GPATCH2L: variants seen among roughly 807,000 people sequenced by gnomAD.
The protein encoded by GPATCH2L is G-patch domain containing 2 like.
A neutral mutation model predicts 57.4 loss-of-function variants in GPATCH2L; 31 were observed. The ratio of observed to expected loss-of-function variants is 0.54; its 90% confidence interval spans 0.41 to 0.73. The LOEUF (loss-of-function observed/expected upper bound fraction) is 0.73, where lower values mean the gene tolerates loss of function less well. Ranked by LOEUF, GPATCH2L falls within the 30% of genes least tolerant of loss-of-function variation. The probability of loss-of-function intolerance (pLI) is 0.00; values close to 1 mark genes in which losing one functional copy is unlikely to be tolerated. For missense variants in GPATCH2L, 481 were observed against 599.9 expected (o/e 0.80, Z 2.07); for synonymous variants, 199 against 210.7 (o/e 0.94, Z 0.48).
At chr14:76,224,700 A>G (rs1566828621) in intron 1 of GPATCH2L, among the ~76,000 whole-genome samples, 1 of 152,290 alleles carries the variant, frequency 6.6e-6, no homozygotes, top group Admixed American at 6.5e-5. Flanking sequence ...GGCAAGGAAA[A>G]GAAGTTACAG....
chr14:76,170,752 A>T (rs2039047570), intron 3 of GPATCH2L: 1 of 152,224 alleles, frequency 6.6e-6, no homozygotes. Context: ...ATTGAGAAAC[A>T]TTTATGGGTT....
chr14:76,182,095 C>T (rs1037143593), intron 8 of GPATCH2L, among the ~76,000 whole-genome samples: 7 of 152,128 alleles, frequency 4.6e-5, no homozygotes, highest in Admixed American at 3.3e-4. Flanking sequence ...CGGTGGCTCA[C>T]GCCTGTAATC....
At position 76,171,977 on chromosome 14, in the gene GPATCH2L, T is replaced by A; in HGVS notation, c.862T>A (p.Ser288Thr). 1 of 1,612,984 alleles carries A rather than the reference T, an allele frequency of 6.2e-7. No individual in the cohort carries two copies. The highest frequency in any genetic ancestry group is 8.5e-7 in the Non-Finnish European group (1 of 1,179,348). Residue 288 changes from serine to threonine, a missense_variant, in exon 4 of 10, where the codon TCA (serine) becomes ACA (threonine). This residue lies in a region of GPATCH2L where 248 missense variants were observed against 270.5 expected (regional missense o/e 0.92). Coordinates refer to ENST00000261530, the MANE Select transcript of GPATCH2L (RefSeq NM_017926.4). ...AATGGATTCTGGATTGGATAAATTTTCAGATTCCACATTCCTTTTACCTTC... is the reference window on the plus strand; with the variant it reads ...AATGGATTCTGGATTGGATAAATTTACAGATTCCACATTCCTTTTACCTTC... The part of the protein sequence containing the change: ...ERMDSGLDKF[S>T]DSTFLLPSRP...
chr14:76,216,814 G>A (rs750682012), downstream of GPATCH2L, among the ~76,000 whole-genome samples: 24 of 152,094 alleles, frequency 1.6e-4, no homozygotes, highest in Non-Finnish European at 2.9e-4. Context: ...TGAAAGTGTG[G>A]TATAGGTGCA....
At position 76,167,344 on chromosome 14, in the gene GPATCH2L, T is replaced by TG. The variant is rs556168039; in HGVS notation, c.727+621dup. Among the ~76,000 whole-genome samples, 25 of 152,320 alleles carry TG rather than the reference T, an allele frequency of 1.6e-4. No homozygotes were observed. The East Asian group carries it at 4.8e-3, about 29-fold the overall frequency. On this transcript the variant is annotated intron_variant, in intron 3 of 9. Transcript: ENST00000261530. ...AAAATGTTTGTCCTCTAGACTTGTG[T>TG]GGGGCCACATGCCAATAAAAATTTT...
At chr14:76,194,521 G>A (rs183931851) in intron 8 of GPATCH2L, among the ~76,000 whole-genome samples, 100 of 148,568 alleles carry the variant, frequency 6.7e-4, no homozygotes, top group African/African-American at 2.4e-3. Flanking sequence ...TCATGCTTGC[G>A]TGCACGCATG....
rs891350373 is a variant in GPATCH2L, at chr14:76,211,686, A to G, written c.*9835A>G. ...AGTGACAATAAATTTGTGTTGATCT[A>G]TTTACACCTTTTGGACTGAACACCT... On this transcript the variant is annotated 3_prime_UTR_variant, in exon 10 of 10. Transcript: ENST00000261530. The G allele has an allele frequency of 1.3e-5, 2 of 152,072 alleles. No individual in the cohort carries two copies. Among genetic ancestry groups the G allele is most frequent in the Admixed American group, 6.6e-5 (1 of 15,260 alleles). 9.4% of individuals were successfully genotyped at this position (152,072 alleles called of 1,614,324 possible). A position where few individuals can be genotyped will look rare whatever the true frequency, so the allele number is the denominator to read the frequency against.
chr14:76,226,936 A>G (rs545753401), intron 1 of GPATCH2L, among the ~76,000 whole-genome samples: 2 of 152,348 alleles, frequency 1.3e-5, no homozygotes, highest in East Asian at 3.9e-4. Context: ...TCAATAAAAC[A>G]AGGCAAATGA....
intron 7 of GPATCH2L, chr14:76,179,202 A>T (rs183953382): frequency 2.0e-5 from 3 of 152,260 alleles, no homozygotes; most frequent in Admixed American, 1.3e-4. Flanking sequence ...TATGTATGAG[A>T]TGATTTTAGA....
chr14:76,223,281 AG>A (rs1340867513), intron 1 of GPATCH2L, among the ~76,000 whole-genome samples: 2 of 152,250 alleles, frequency 1.3e-5, no homozygotes, highest in Non-Finnish European at 2.9e-5. Flanking sequence ...TATTTATTTT[AG>A]GAATGCAAGA....
chr14:76,155,898 G>GTT (rs2038284776), intron 2 of GPATCH2L, among the ~76,000 whole-genome samples: 2 of 152,022 alleles, frequency 1.3e-5, no homozygotes, highest in South Asian at 4.1e-4. Context: ...TCAACCCAAA[G>GTT]GCCTCCAGGG....
chr14:76,193,254 G>A (rs1271917493), intron 8 of GPATCH2L, among the ~76,000 whole-genome samples: 1 of 151,286 alleles, frequency 6.6e-6, no homozygotes, highest in African/African-American at 2.4e-5. Context: ...GTCATTCCTC[G>A]AAAGTGTGAG....
intron 1 of GPATCH2L, among the ~76,000 whole-genome samples, chr14:76,221,477 T>A (rs1483851388): frequency 6.6e-6 from 1 of 152,172 alleles, no homozygotes; most frequent in African/African-American, 2.4e-5. Flanking sequence ...TACCATACAA[T>A]CTAGCAATGA....
chr14:76,161,694 A>T (rs370875334), intron 2 of GPATCH2L, among the ~76,000 whole-genome samples: 1 of 152,320 alleles, frequency 6.6e-6, no homozygotes. Flanking sequence ...CAAAGAGTTT[A>T]TAAAGATTCT....
intron 2 of GPATCH2L, among the ~76,000 whole-genome samples, chr14:76,156,861 C>T (rs1287024052): frequency 6.6e-6 from 1 of 152,212 alleles, no homozygotes; most frequent in Non-Finnish European, 1.5e-5. Flanking sequence ...TGAGATGCTT[C>T]ACTCTTTTCT....
At position 76,173,571 on chromosome 14, in the gene GPATCH2L, A is replaced by G. The variant is rs1178656640; in HGVS notation, c.930A>G (p.Leu310=). The change falls in exon 5 of 10, where the codon CTA becomes CTG. Residue 310 remains leucine (L), a synonymous_variant. Transcript: ENST00000261530. ...QRGYHTRLNR[L]PGAAARCLRK... ...GGTACCATACTCGCTTGAATCGTCTACCTGGAGCTGCAGCTCGATGCCTCA... is the reference window on the plus strand; with the variant it reads ...GGTACCATACTCGCTTGAATCGTCTGCCTGGAGCTGCAGCTCGATGCCTCA... 3 of 1,613,258 alleles carry G rather than the reference A, an allele frequency of 1.9e-6. No individual in the cohort carries two copies. Among genetic ancestry groups the G allele is most frequent in the Non-Finnish European group, 2.5e-6 (3 of 1,179,448 alleles).
chr14:76,214,631 G>A (rs771689827), downstream of GPATCH2L, among the ~76,000 whole-genome samples: 1 of 152,040 alleles, frequency 6.6e-6, no homozygotes, highest in Non-Finnish European at 1.5e-5. Context: ...CTTTTATAAG[G>A]GCATAAATCC....
chr14:76,184,107 A>G (rs1434164084), intron 8 of GPATCH2L, among the ~76,000 whole-genome samples: 1 of 152,014 alleles, frequency 6.6e-6, no homozygotes, highest in Non-Finnish European at 1.5e-5. Context: ...TATTTTGCAA[A>G]GAGAGAAGTG....
intron 1 of GPATCH2L, among the ~76,000 whole-genome samples, chr14:76,225,453 A>G (rs2040533325): frequency 1.3e-5 from 2 of 152,182 alleles, no homozygotes; most frequent in Admixed American, 1.3e-4. Context: ...GAAAAAAACC[A>G]AGTCCATATA....
Sources: gnomAD v4.1 joint callset for allele counts (sites outside exome capture counted in the v4.1 genomes callset) on GRCh38, gnomAD v4.1.1 for gene constraint, gnomAD v4.1.1 regional missense constraint, MANE v1.5 for transcripts, NCBI Gene and HGNC (gene_info 2026-07-23, HGNC 2026-07-21) for gene names.